PIK3C3: variants seen among roughly 807,000 people sequenced by gnomAD.
PIK3C3 encodes the protein phosphatidylinositol 3-kinase catalytic subunit type 3, also known as PI3-kinase type 3.
In PIK3C3, 95 loss-of-function variants were observed where a neutral mutation model predicts 126.1. The observed-to-expected ratio is 0.75, with a 90% confidence interval of 0.64 to 0.89. PIK3C3 has a LOEUF of 0.89. Ranked by LOEUF, PIK3C3 falls within the 40% of genes least tolerant of loss-of-function variation. The pLI is 0.00. For synonymous variants in PIK3C3, 374 were observed against 360.0 expected (o/e 1.04, Z -0.44); for missense variants, 829 against 1,063.2 (o/e 0.78, Z 3.06).
chr18:42,012,561 GT>G (rs1222290124), intron 10 of PIK3C3, among the ~76,000 whole-genome samples: 11 of 152,048 alleles, frequency 7.2e-5, no homozygotes, highest in African/African-American at 4.8e-5. Flanking sequence ...TCACTTTTTA[GT>G]TATTTTTAAA....
At chr18:42,040,614 A>G in intron 18 of PIK3C3, 63 bp from the exon 19 acceptor site, 1 of 1,118,750 alleles carries the variant, frequency 8.9e-7, no homozygotes, top group South Asian at 1.3e-5. Context: ...TTCTTAGCAG[A>G]ACCTTTATTT....
chr18:42,002,380 T>A (rs1418984536), intron 9 of PIK3C3, among the ~76,000 whole-genome samples: 3 of 152,204 alleles, frequency 2.0e-5, no homozygotes, highest in Non-Finnish European at 4.4e-5. Flanking sequence ...ATTTGTTTAT[T>A]TACAAATTAG....
chr18:41,970,759 T>A (rs1980626236), intron 4 of PIK3C3: 3 of 544,668 alleles, frequency 5.5e-6, no homozygotes, highest in Non-Finnish European at 9.7e-6. Flanking sequence ...TCCCTGCAGT[T>A]AGTTCCAGGC....
At chr18:42,056,155 A>T (rs1165105146) in intron 21 of PIK3C3, among the ~76,000 whole-genome samples, 2 of 152,122 alleles carry the variant, frequency 1.3e-5, no homozygotes, top group Non-Finnish European at 2.9e-5. Flanking sequence ...TTTAAAAAAA[A>T]CATTCCCTTC....
intron 4 of PIK3C3, among the ~76,000 whole-genome samples, chr18:41,978,155 T>A (rs1981025091): frequency 1.3e-5 from 2 of 152,088 alleles, no homozygotes; most frequent in South Asian, 4.1e-4. Flanking sequence ...GTGCCTCACT[T>A]GGTTGCCCAT....
chr18:41,957,561 T>C lies in PIK3C3; in HGVS notation c.69-9T>C. The C allele has an allele frequency of 3.1e-6, 5 of 1,604,626 alleles. No individual in the cohort carries two copies. The highest frequency in any genetic ancestry group is 3.4e-6 in the Non-Finnish European group (4 of 1,177,794). ...CATGTCTGAAACATTGTTGGTCTTG[T>C]GCTTTCAGAGGAAGCTTGGAAGGGA... is the stretch of plus-strand genomic sequence containing the variant. On this transcript the variant is annotated splice_polypyrimidine_tract_variant and intron_variant, in intron 1 of 24. Coordinates refer to ENST00000262039, the MANE Select transcript of PIK3C3 (RefSeq NM_002647.4).
chr18:41,968,983 GT>G (rs1005434618), intron 3 of PIK3C3, among the ~76,000 whole-genome samples: 64 of 145,856 alleles, frequency 4.4e-4, no homozygotes, highest in Middle Eastern at 3.5e-3. Flanking sequence ...CCTAATTTTA[GT>G]TTTTTTTTTT....
chr18:41,990,540 GT>G lies in PIK3C3; in HGVS notation c.703del (p.Tyr235IlefsTer13). The G allele has an allele frequency of 6.4e-7, 1 of 1,561,530 alleles. No homozygotes were observed. Among genetic ancestry groups the G allele is most frequent in the South Asian group, 1.1e-5 (1 of 89,836 alleles). On this transcript the variant is annotated frameshift_variant, in exon 6 of 25. Coordinates refer to ENST00000262039, the MANE Select transcript of PIK3C3 (RefSeq NM_002647.4). LOFTEE classifies it high-confidence loss of function. ...GTGTGATGATAAGGAATATGGTATT[GT>G]TTATTATGAAAAGGTATTTCCCTTG... ...VKCDDKEYGI[V>X]YYEKDGDESS...
At chr18:41,967,431 A>G (rs1324897520) in intron 3 of PIK3C3, among the ~76,000 whole-genome samples, 1 of 152,180 alleles carries the variant, frequency 6.6e-6, no homozygotes, top group Admixed American at 6.5e-5. Context: ...GCAGTGAAAT[A>G]ACACCAACCA....
intron 4 of PIK3C3, among the ~76,000 whole-genome samples, chr18:41,983,057 GACA>G (rs1335797632): frequency 6.6e-6 from 1 of 152,062 alleles, no homozygotes; most frequent in Non-Finnish European, 1.5e-5. Context: ...GTTGTTTTTA[GACA>G]ACTTACTTGG....
chr18:42,013,340 T>C (rs1443396086), intron 10 of PIK3C3, 102 bp from the exon 11 acceptor site: 5 of 705,488 alleles, frequency 7.1e-6, no homozygotes, highest in Non-Finnish European at 9.3e-6. Context: ...TGAAAAGTGA[T>C]AGATAAAAGT....
At chr18:42,034,036 A>G (rs926973065) in intron 16 of PIK3C3, 79 bp downstream of exon 16, 26 of 948,524 alleles carry the variant, frequency 2.7e-5, no homozygotes, top group Non-Finnish European at 3.1e-5. Flanking sequence ...TTGGAAAACT[A>G]TTACATTGCA....
At chr18:41,977,700 GTC>G (rs755441961) in intron 4 of PIK3C3, among the ~76,000 whole-genome samples, 3 of 152,116 alleles carry the variant, frequency 2.0e-5, no homozygotes, top group Non-Finnish European at 4.4e-5. Context: ...GGCCAGGCAG[GTC>G]TCGAACTCCT....
intron 12 of PIK3C3, among the ~76,000 whole-genome samples, chr18:42,017,406 A>G (rs988236198): frequency 6.6e-6 from 1 of 152,142 alleles, no homozygotes; most frequent in Non-Finnish European, 1.5e-5. Context: ...TCCATGGGTC[A>G]TGAGAAGAAG....
At chr18:41,992,947 C>A (rs1220543483) in intron 6 of PIK3C3, among the ~76,000 whole-genome samples, 1 of 151,944 alleles carries the variant, frequency 6.6e-6, no homozygotes, top group Non-Finnish European at 1.5e-5. Flanking sequence ...AAAATTAGCA[C>A]GTTTTTAAAA....
chr18:41,991,143 A>G (rs1311589014), intron 6 of PIK3C3, among the ~76,000 whole-genome samples: 2 of 152,128 alleles, frequency 1.3e-5, no homozygotes, highest in East Asian at 3.8e-4. Flanking sequence ...TTATGTACCT[A>G]CTTGAAAGTA....
intron 12 of PIK3C3, among the ~76,000 whole-genome samples, chr18:42,018,757 G>A (rs1178472064): frequency 6.6e-6 from 1 of 152,056 alleles, no homozygotes; most frequent in African/African-American, 2.4e-5. Context: ...TCCCATGGCT[G>A]TCATTTTAGT....
Position 42,064,832 on chromosome 18 carries a change from TA to T in PIK3C3, c.2523+4del. ...GAACCAGATAAAACTGTGAAAAAGG[TA>T]ATTTTTAAGTAACATAAATGAAGAG... On this transcript the variant is annotated splice_donor_region_variant and intron_variant, in intron 23 of 24. Transcript: ENST00000262039. The T allele has an allele frequency of 6.6e-7, 1 of 1,510,002 alleles. No individual in the cohort carries two copies. The highest frequency in any genetic ancestry group is 2.3e-5 in the East Asian group (1 of 44,334). 93.5% of individuals were successfully genotyped at this position (1,510,002 alleles called of 1,614,324 possible). A position where few individuals can be genotyped will look rare whatever the true frequency, so the allele number is the denominator to read the frequency against.
intron 24 of PIK3C3, among the ~76,000 whole-genome samples, chr18:42,072,930 T>A (rs1181529024): frequency 4.6e-5 from 7 of 152,176 alleles, no homozygotes; most frequent in Admixed American, 4.6e-4. Flanking sequence ...AGTAGGCCTT[T>A]CACTGGTGAT....
Sources: gnomAD v4.1 joint callset for allele counts (sites outside exome capture counted in the v4.1 genomes callset) on GRCh38, gnomAD v4.1.1 for gene constraint, MANE v1.5 for transcripts, NCBI Gene and HGNC (gene_info 2026-07-23, HGNC 2026-07-21) for gene names.